AP3B1: variants seen among roughly 807,000 people sequenced by gnomAD.
AP3B1 encodes the protein AP-3 complex subunit beta-1.
In AP3B1, 61 loss-of-function variants were observed where a neutral mutation model predicts 132.5. The ratio of observed to expected loss-of-function variants is 0.46; its 90% confidence interval spans 0.37 to 0.57. The LOEUF is 0.57. Among genes scored for constraint, AP3B1 ranks in the 20% least tolerant of loss-of-function variants. AP3B1 has a pLI of 0.00. For synonymous variants in AP3B1, 388 were observed against 438.3 expected (o/e 0.89, Z 1.43); for missense variants, 1,120 against 1,289.4 (o/e 0.87, Z 2.01).
intron 1 of AP3B1, among the ~76,000 whole-genome samples, chr5:78,290,122 T>A (rs1446030581): frequency 1.3e-5 from 2 of 152,152 alleles, no homozygotes; most frequent in Non-Finnish European, 2.9e-5. Flanking sequence ...TATTATCACA[T>A]CCCGTCTAGA....
At chr5:78,093,748 T>C (rs1231951573) in intron 21 of AP3B1, among the ~76,000 whole-genome samples, 1 of 152,246 alleles carries the variant, frequency 6.6e-6, no homozygotes, top group African/African-American at 2.4e-5. Context: ...GCCTATCATG[T>C]GTTAGGCACA....
chr5:78,101,606 G>A (rs1411769660), intron 20 of AP3B1, among the ~76,000 whole-genome samples: 21 of 151,978 alleles, frequency 1.4e-4, no homozygotes, highest in Admixed American at 1.4e-3. Context: ...TCACTCACTT[G>A]ATCTACTGTT....
At chr5:78,140,208 G>T (rs1454589707) in intron 15 of AP3B1, among the ~76,000 whole-genome samples, 3 of 152,050 alleles carry the variant, frequency 2.0e-5, no homozygotes. Context: ...CTTAAAAAAT[G>T]AATATTCTAA....
chr5:78,279,877 T>TATATGACTTAAATATATAC lies in AP3B1; in HGVS notation c.129-12283_129-12282insGTATATATTTAAGTCATAT, dbSNP rs1453338522. ...TATATATAGGACTTAAATATATATA[T>TATATGACTTAAATATATAC]ATATGACTTAAATATATATATATGA... On this transcript the variant is annotated intron_variant, in intron 1 of 26. Coordinates refer to ENST00000255194, the MANE Select transcript of AP3B1 (RefSeq NM_003664.5). Among the ~76,000 whole-genome samples the TATATGACTTAAATATATAC allele has an allele frequency of 2.1e-4, 30 of 145,196 alleles. No homozygotes were observed. The East Asian group carries it at 3.4e-3, about 16-fold the overall frequency.
chr5:78,197,851 A>T (rs963254065), intron 7 of AP3B1, among the ~76,000 whole-genome samples: 2 of 152,216 alleles, frequency 1.3e-5, no homozygotes, highest in African/African-American at 4.8e-5. Context: ...TGGACTTAGT[A>T]GAAATAAAAA....
In AP3B1 at chr5:78,155,095, T is replaced by C. The variant is rs190624070; in HGVS notation, c.1473+1163A>G. Among the ~76,000 whole-genome samples, 139 of 152,326 alleles carry C rather than the reference T, an allele frequency of 9.1e-4. 1 individual carries two copies. The highest frequency in any genetic ancestry group is 3.2e-3 in the African/African-American group (133 of 41,572). On this transcript the variant is annotated intron_variant, in intron 14 of 26. Coordinates refer to ENST00000255194, the MANE Select transcript of AP3B1 (RefSeq NM_003664.5). ...TGGGCTTGTTTGTGCTTATTGTATT[T>C]GGGAAGGCTTTCCAGGTTATTCAAA...
At chr5:78,274,032 GA>G (rs57157997) in intron 1 of AP3B1, among the ~76,000 whole-genome samples, 28,445 of 91,524 alleles carry the variant, frequency 0.31, 3,154 homozygotes, top group Non-Finnish European at 0.38. Flanking sequence ...AGAAAAAAAG[GA>G]AAAAAAAAAA....
chr5:78,203,821 A>G (rs997172460), intron 7 of AP3B1, among the ~76,000 whole-genome samples: 1 of 152,130 alleles, frequency 6.6e-6, no homozygotes, highest in African/African-American at 2.4e-5. Context: ...GATAATCTCA[A>G]TTGACTTAAG....
chr5:78,188,541 T>C (rs1240030895), intron 7 of AP3B1, among the ~76,000 whole-genome samples: 2 of 152,174 alleles, frequency 1.3e-5, no homozygotes, highest in Admixed American at 6.5e-5. Context: ...TATCATTTCA[T>C]ACCACTCAGA....
At chr5:78,252,848 C>T (rs1747698011) in intron 2 of AP3B1, among the ~76,000 whole-genome samples, 1 of 152,208 alleles carries the variant, frequency 6.6e-6, no homozygotes, top group Non-Finnish European at 1.5e-5. Flanking sequence ...GCTTTGCTAC[C>T]TGCTGACTGT....
intron 8 of AP3B1, among the ~76,000 whole-genome samples, chr5:78,180,389 T>C (rs961725102): frequency 1.3e-5 from 2 of 151,964 alleles, no homozygotes; most frequent in Admixed American, 1.3e-4. Flanking sequence ...AACTGCCAGT[T>C]AACAGGAAAC....
chr5:78,142,175 G>T (rs920797609), intron 14 of AP3B1, among the ~76,000 whole-genome samples: 1 of 152,084 alleles, frequency 6.6e-6, no homozygotes, highest in Non-Finnish European at 1.5e-5. Context: ...TAAATAAACT[G>T]CATTTCAATA....
chr5:78,217,595 T>C (rs1215728995), intron 6 of AP3B1, among the ~76,000 whole-genome samples: 1 of 152,128 alleles, frequency 6.6e-6, no homozygotes, highest in Non-Finnish European at 1.5e-5. Flanking sequence ...GCAAAAGACA[T>C]AATTTCTTTA....
chr5:78,099,221 T>G (rs1751027845), intron 21 of AP3B1, among the ~76,000 whole-genome samples: 1 of 152,214 alleles, frequency 6.6e-6, no homozygotes, highest in Admixed American at 6.5e-5. Flanking sequence ...GAACAACTAA[T>G]TTCTGCTGTT....
At chr5:78,152,846 T>C (rs1285584837) in intron 14 of AP3B1, among the ~76,000 whole-genome samples, 1 of 152,180 alleles carries the variant, frequency 6.6e-6, no homozygotes, top group Non-Finnish European at 1.5e-5. Context: ...TATGTTTATA[T>C]TGTTTGAAAA....
chr5:78,205,152 C>T (rs1745452065), intron 7 of AP3B1, among the ~76,000 whole-genome samples: 1 of 151,866 alleles, frequency 6.6e-6, no homozygotes, highest in Non-Finnish European at 1.5e-5. Flanking sequence ...TAAAAGTTCA[C>T]TAACAATATA....
chr5:78,190,356 A>G (rs777374846), intron 7 of AP3B1, among the ~76,000 whole-genome samples: 3 of 152,166 alleles, frequency 2.0e-5, no homozygotes, highest in Non-Finnish European at 4.4e-5. Flanking sequence ...TAATTCTCTA[A>G]GTTGGAACCA....
rs1379149753 is a variant in AP3B1, at chr5:78,193,766, A to ATT, written c.787-12105_787-12104insAA. Among the ~76,000 whole-genome samples the ATT allele has an allele frequency of 1.6e-3, 159 of 98,308 alleles. 2 individuals carry two copies. Among genetic ancestry groups the ATT allele is most frequent in the African/African-American group, 5.8e-3 (150 of 25,914 alleles). 64.5% of individuals were successfully genotyped at this position (98,308 alleles called of 152,430 possible). A position where few individuals can be genotyped will look rare whatever the true frequency, so the allele number is the denominator to read the frequency against. ...TTTTTATATATATATATATATATAT[A>ATT]TATATTTTTTTTTTAGACAGAGTCT... is the stretch of plus-strand genomic sequence containing the variant. On this transcript the variant is annotated intron_variant, in intron 7 of 26. Transcript: ENST00000255194.
chr5:78,097,143 G>A (rs529557489), intron 21 of AP3B1, among the ~76,000 whole-genome samples: 4 of 128,220 alleles, frequency 3.1e-5, no homozygotes, highest in Non-Finnish European at 4.8e-5. Context: ...CAGCCGCCCC[G>A]TCCGGGAGGT....
Sources: gnomAD v4.1 joint callset for allele counts (sites outside exome capture counted in the v4.1 genomes callset) on GRCh38, gnomAD v4.1.1 for gene constraint, MANE v1.5 for transcripts, NCBI Gene and HGNC (gene_info 2026-07-23, HGNC 2026-07-21) for gene names.